Variants in ACSS3 observed in about 807,000 individuals in gnomAD.
The protein encoded by ACSS3 is acyl-CoA synthetase short chain family member 3.
ACSS3 carries 64 observed loss-of-function variants against 84.2 expected under a neutral mutation model. The ratio of observed to expected loss-of-function variants is 0.76; its 90% CI spans 0.62 to 0.94. The LOEUF (loss-of-function observed/expected upper bound fraction) is 0.94. ACSS3 is among the 40% of genes least tolerant of loss of function. The probability of loss-of-function intolerance (pLI) is 0.00; values close to 1 mark genes in which losing one functional copy is unlikely to be tolerated. For missense variants in ACSS3, 815 were observed against 867.6 expected, an observed-to-expected ratio of 0.94 and a Z score of 0.76; for synonymous variants, 317 against 310.1, an observed-to-expected ratio of 1.02 and a Z score of -0.23.
intron 1 of ACSS3, among the ~76,000 whole-genome samples, chr12:81,104,560 A>C (rs2121460156): frequency 6.6e-6 from 1 of 152,192 alleles, no homozygotes; most frequent in Non-Finnish European, 1.5e-5. Flanking sequence ...GGCTAAGGTA[A>C]GGAGGTAAGA....
At chr12:81,184,807 T>C (rs1021665067) in intron 8 of ACSS3, among the ~76,000 whole-genome samples, 3 of 151,672 alleles carry the variant, frequency 2.0e-5, no homozygotes, top group Non-Finnish European at 4.4e-5. Flanking sequence ...TTACCAAACA[T>C]TCAAAAATAA....
At chr12:81,101,759 T>A (rs533031364) in intron 1 of ACSS3, among the ~76,000 whole-genome samples, 1 of 152,244 alleles carries the variant, frequency 6.6e-6, no homozygotes, top group East Asian at 1.9e-4. Flanking sequence ...ATGATTTTTT[T>A]AATATCAAGT....
At chr12:81,087,314 A>G (rs1881380996) in intron 1 of ACSS3, among the ~76,000 whole-genome samples, 1 of 152,118 alleles carries the variant, frequency 6.6e-6, no homozygotes, top group Non-Finnish European at 1.5e-5. Flanking sequence ...ACACTTGCCA[A>G]GTATAATCTT....
chr12:81,243,820 G>A (rs566342923), intron 13 of ACSS3, among the ~76,000 whole-genome samples: 51 of 152,174 alleles, frequency 3.4e-4, no homozygotes, highest in African/African-American at 9.4e-4. Flanking sequence ...ATACACATGC[G>A]CATATACACA....
chr12:81,170,858 C>T (rs925721017), intron 7 of ACSS3, among the ~76,000 whole-genome samples: 13 of 151,898 alleles, frequency 8.6e-5, no homozygotes, highest in African/African-American at 3.1e-4. Context: ...TGTGTGCATG[C>T]TTGTCTATGT....
chr12:81,195,434 T>A (rs1331812359), intron 8 of ACSS3, among the ~76,000 whole-genome samples: 2 of 152,084 alleles, frequency 1.3e-5, no homozygotes, highest in African/African-American at 4.8e-5. Flanking sequence ...TTTAATAATT[T>A]AATGTTTAAA....
chr12:81,241,728 G>C (rs1053370580), intron 13 of ACSS3, among the ~76,000 whole-genome samples: 1 of 151,916 alleles, frequency 6.6e-6, no homozygotes, highest in African/African-American at 2.4e-5. Flanking sequence ...TGTAGATTCT[G>C]GATATTAGCC....
At chr12:81,192,336 T>C (rs920704999) in intron 8 of ACSS3, among the ~76,000 whole-genome samples, 2 of 152,148 alleles carry the variant, frequency 1.3e-5, no homozygotes, top group Admixed American at 1.3e-4. Context: ...GCCGAGACCG[T>C]GCTCTTGCAC....
At chr12:81,193,071 A>G (rs910325162) in intron 8 of ACSS3, among the ~76,000 whole-genome samples, 1 of 152,172 alleles carries the variant, frequency 6.6e-6, no homozygotes, top group South Asian at 2.1e-4. Context: ...AGAGTCAAAT[A>G]CATGTGTGAT....
At chr12:81,247,633 G>T (rs1308582404) in intron 13 of ACSS3, among the ~76,000 whole-genome samples, 1 of 151,960 alleles carries the variant, frequency 6.6e-6, no homozygotes, top group Non-Finnish European at 1.5e-5. Flanking sequence ...ATTTATATTT[G>T]ATAAGAAAAT....
intron 9 of ACSS3, among the ~76,000 whole-genome samples, chr12:81,209,406 T>C (rs1409088990): frequency 2.0e-5 from 3 of 147,056 alleles, no homozygotes; most frequent in African/African-American, 5.1e-5. Context: ...AAAAAAAAAA[T>C]TACTCCAGAA....
intron 7 of ACSS3, among the ~76,000 whole-genome samples, chr12:81,172,032 G>A (rs1009720898): frequency 3.9e-5 from 6 of 152,034 alleles, no homozygotes; most frequent in Non-Finnish European, 7.4e-5. Context: ...TTGAGAGGCC[G>A]AAGGCAGGCG....
intron 13 of ACSS3, among the ~76,000 whole-genome samples, chr12:81,239,450 G>GT (rs2033723542): frequency 6.6e-6 from 1 of 151,914 alleles, no homozygotes; most frequent in South Asian, 2.1e-4. Flanking sequence ...CACACTGCTA[G>GT]TAAAGACATA....
At position 81,259,130 on chromosome 12, in the gene ACSS3, G is replaced by A. The variant is rs767781693; in HGVS notation, c.*4208G>A. ...AGCTTTAAGTATTGACAGACTTGAA[G>A]GAGAAACACGTTGAAGCATGAAACA... On this transcript the variant is annotated 3_prime_UTR_variant, in exon 16 of 16. Transcript: ENST00000548058. 8 of 190,630 alleles carry A rather than the reference G, an allele frequency of 4.2e-5. 1 individual carries two copies. Among genetic ancestry groups the A allele is most frequent in the African/African-American group, 9.6e-5 (4 of 41,622 alleles). The allele number at this position is 190,630 out of a possible 1,614,324, so 11.8% of individuals were successfully genotyped here.
chr12:81,226,304 TTTC>T (rs1209233720), intron 11 of ACSS3, among the ~76,000 whole-genome samples: 1 of 146,708 alleles, frequency 6.8e-6, no homozygotes, highest in Non-Finnish European at 1.5e-5. Flanking sequence ...TATCTCTGAT[TTTC>T]TTTTCTTTTT....
At chr12:81,185,117 T>C (rs2031176507) in intron 8 of ACSS3, among the ~76,000 whole-genome samples, 1 of 151,718 alleles carries the variant, frequency 6.6e-6, no homozygotes, top group Non-Finnish European at 1.5e-5. Flanking sequence ...AACAGGATCA[T>C]CATAATTAAC....
At chr12:81,170,160 G>A (rs2029928593) in intron 7 of ACSS3, among the ~76,000 whole-genome samples, 1 of 152,080 alleles carries the variant, frequency 6.6e-6, no homozygotes, top group Non-Finnish European at 1.5e-5. Flanking sequence ...TTTAACTCTA[G>A]TGTTTAATTA....
chr12:81,191,814 G>A (rs895573157), intron 8 of ACSS3, among the ~76,000 whole-genome samples: 1 of 151,952 alleles, frequency 6.6e-6, no homozygotes, highest in African/African-American at 2.4e-5. Context: ...GTTGCAGTTA[G>A]ATGATTTTAT....
intron 13 of ACSS3, among the ~76,000 whole-genome samples, chr12:81,244,125 T>G (rs1035799897): frequency 5.9e-5 from 9 of 152,272 alleles, no homozygotes; most frequent in Non-Finnish European, 8.8e-5. Flanking sequence ...TGGAATTCTG[T>G]AATTCTAGAA....
Sources: allele counts gnomAD v4.1 joint callset (sites outside exome capture counted in the v4.1 genomes callset), GRCh38; gene constraint gnomAD v4.1.1; transcripts MANE v1.5; gene names NCBI Gene and HGNC (gene_info 2026-07-23, HGNC 2026-07-21).